Variants in EGFL6 observed in about 807,000 individuals in gnomAD.
EGFL6 encodes EGF like domain multiple 6.
In EGFL6, 42 loss-of-function variants were observed where a neutral mutation model predicts 43.1. That is an observed-to-expected ratio of 0.98 (90% CI 0.76 to 1.26). EGFL6 has a LOEUF of 1.26. EGFL6 is among the 50% of genes most tolerant of loss of function. The pLI, the probability that EGFL6 is intolerant of heterozygous loss-of-function variation, is 0.00. For missense variants in EGFL6, 429 were observed against 427.8 expected (o/e 1.00, Z -0.02); for synonymous variants, 164 against 163.2 (o/e 1.01, Z -0.04).
intron 9 of EGFL6, among the ~76,000 whole-genome samples, chrX:13,620,393 T>TA (rs752488773): frequency 1.8e-5 from 2 of 111,037 alleles, no homozygotes; most frequent in Admixed American, 1.9e-4. Context: ...TCCTTTTACT[T>TA]ACCACTATAC....
chrX:13,608,935 G>A (rs2045675339), intron 7 of EGFL6, among the ~76,000 whole-genome samples: 1 of 112,439 alleles, frequency 8.9e-6, no homozygotes, highest in African/African-American at 3.2e-5. Flanking sequence ...TACTTTATCT[G>A]TCATCCTCAA....
chrX:13,618,115 T>C (rs1031024028), intron 8 of EGFL6, 62 bp downstream of exon 8: 1 of 1,089,294 alleles, frequency 9.2e-7, no homozygotes, highest in Non-Finnish European at 1.2e-6. Flanking sequence ...TCCTGGCAAA[T>C]GAAAGAAGAC....
In EGFL6 at chrX:13,589,622, G is replaced by T; in HGVS notation, c.141G>T (p.Leu47=). The change falls in exon 2 of 12, where the codon CTG becomes CTT. Residue 47 remains leucine, a synonymous_variant. Transcript: ENST00000361306. ...GGGTCTGTCACTATGGAACTAAACT[G>T]GCCTGCTGCTACGGCTGGAGAAGAA... ...QPGVCHYGTK[L]ACCYGWRRNS... 8.3e-7 allele frequency: 1 copy of T among 1,211,211 alleles called. No individual in the cohort carries two copies. Among genetic ancestry groups the T allele is most frequent in the Non-Finnish European group, 1.1e-6 (1 of 895,170 alleles).
intron 1 of EGFL6, among the ~76,000 whole-genome samples, chrX:13,584,368 T>C (rs1425947065): frequency 8.9e-6 from 1 of 111,998 alleles, no homozygotes; most frequent in Non-Finnish European, 1.9e-5. Flanking sequence ...ACCTTCCTGC[T>C]CTTTGGTCCA....
intron 2 of EGFL6, among the ~76,000 whole-genome samples, chrX:13,592,263 G>T (rs556823867): frequency 9.2e-6 from 1 of 108,733 alleles, no homozygotes; most frequent in Non-Finnish European, 1.9e-5. Context: ...ATTTAAAGTT[G>T]CAACTCCAAG....
chrX:13,591,433 G>A (rs1252768788), intron 2 of EGFL6, among the ~76,000 whole-genome samples: 1 of 111,769 alleles, frequency 8.9e-6, no homozygotes, highest in African/African-American at 3.3e-5. Context: ...AAGCTGAAGA[G>A]ACGGTCAGCA....
chrX:13,619,163 T>C lies in EGFL6; in HGVS notation c.1103T>C (p.Phe368Ser), dbSNP rs141600459. Residue 368 changes from phenylalanine (F) to serine (S), a missense_variant and splice_region_variant, in exon 9 of 12, where the codon TTC becomes TCC. By Grantham distance (155) the Phe-to-Ser change is radical. Transcript: ENST00000361306. The part of the protein sequence containing the change: ...EERSLRGDVF[F>S]PKVNEAGEFG... ...TAACTGACCAAGTGTTCTTTATTAG[T>C]CCCTAAGGTGAATGAAGCAGGTGAA... 23 of 1,208,644 alleles carry C rather than the reference T, an allele frequency of 1.9e-5. No individual in the cohort carries two copies. In the African/African-American group the frequency reaches 3.8e-4, roughly 20 times the overall value.
chrX:13,594,872 T>C lies in EGFL6; in HGVS notation c.224T>C (p.Val75Ala). The change falls in exon 3 of 12, where the codon GTG becomes GCG. Residue 75 changes from valine (V) to alanine (A), a missense_variant. Coordinates refer to ENST00000361306, the MANE Select transcript of EGFL6 (RefSeq NM_015507.4). ...CEPGCKFGECVGPNKCRCFPG... is the reference protein window; with the variant it reads ...CEPGCKFGECAGPNKCRCFPG... ...CCTGGATGTAAGTTTGGTGAGTGCG[T>C]GGGACCAAACAAATGCAGATGCTTT... 1 of 1,211,361 alleles carries C rather than the reference T, an allele frequency of 8.3e-7. No individual in the cohort carries two copies. The highest frequency in any genetic ancestry group is 1.1e-6 in the Non-Finnish European group (1 of 895,122).
chrX:13,594,762 C>T (rs2146968690), intron 2 of EGFL6, 74 bp from the exon 3 acceptor site: 1 of 960,066 alleles, frequency 1.0e-6, no homozygotes. Context: ...ACACAGAACG[C>T]AGCGAAGTTT....
At chrX:13,616,236 G>C (rs1446618086) in intron 7 of EGFL6, among the ~76,000 whole-genome samples, 1 of 111,820 alleles carries the variant, frequency 8.9e-6, no homozygotes, top group African/African-American at 3.3e-5. Context: ...TAGATCTCAA[G>C]GAATTTGAAA....
chrX:13,623,977 G>A lies in EGFL6; in HGVS notation c.1285+52G>A, dbSNP rs762208309. On this transcript the variant is annotated intron_variant, in intron 10 of 11. Coordinates refer to ENST00000361306, the MANE Select transcript of EGFL6 (RefSeq NM_015507.4). ...CTGCAATATGGTGAAGGGATAGAAA[G>A]CCCTCCATGAGTGATGGGTTGTTAT... 2.2e-4 allele frequency: 212 copies of A among 980,706 alleles called. 1 individual carries two copies. In the South Asian group the frequency reaches 3.5e-3, roughly 16 times the overall value. 80.8% of individuals were successfully genotyped at this position (980,706 alleles called of 1,213,427 possible). A position where few individuals can be genotyped will look rare whatever the true frequency, so the allele number is the denominator to read the frequency against.
At chrX:13,571,142 A>C in intron 1 of EGFL6, among the ~76,000 whole-genome samples, 1 of 80,027 alleles carries the variant, frequency 1.2e-5, no homozygotes, top group Non-Finnish European at 2.3e-5. Context: ...AGTTGTGGCA[A>C]CAAAAAAAAG....
At chrX:13,575,520 C>G (rs932915098) in intron 1 of EGFL6, among the ~76,000 whole-genome samples, 6 of 112,058 alleles carry the variant, frequency 5.4e-5, no homozygotes, top group Admixed American at 3.8e-4. Context: ...AGGAAACCAA[C>G]CCTACCAACA....
At chrX:13,614,691 G>A in intron 7 of EGFL6, among the ~76,000 whole-genome samples, 1 of 110,458 alleles carries the variant, frequency 9.1e-6, no homozygotes, top group Non-Finnish European at 1.9e-5. Flanking sequence ...GAAGACCTAA[G>A]TTTTATATCT....
At chrX:13,572,139 A>G (rs1169184465) in intron 1 of EGFL6, among the ~76,000 whole-genome samples, 1 of 111,920 alleles carries the variant, frequency 8.9e-6, no homozygotes, top group African/African-American at 3.2e-5. Context: ...GGCTTGCCTT[A>G]TATTTTTTAT....
intron 1 of EGFL6, among the ~76,000 whole-genome samples, chrX:13,574,498 T>A (rs1410259014): frequency 8.9e-6 from 1 of 111,992 alleles, no homozygotes; most frequent in Non-Finnish European, 1.9e-5. Flanking sequence ...TCAAGATTCA[T>A]ATGTTGAAGC....
chrX:13,612,058 T>G (rs993118129), intron 7 of EGFL6, among the ~76,000 whole-genome samples: 145 of 111,186 alleles, frequency 1.3e-3, no homozygotes, highest in African/African-American at 4.5e-3. Context: ...TTAAATTTTT[T>G]TAGTATTTAT....
chrX:13,578,859 C>T (rs905435336), intron 1 of EGFL6, among the ~76,000 whole-genome samples: 157 of 110,723 alleles, frequency 1.4e-3, no homozygotes, highest in Middle Eastern at 4.6e-3. Context: ...AGCACACCAA[C>T]ATGGCACATG....
intron 1 of EGFL6, among the ~76,000 whole-genome samples, chrX:13,583,207 A>G (rs140996488): frequency 0.022 from 2,432 of 109,621 alleles, 34 homozygotes; most frequent in Non-Finnish European, 0.035. Flanking sequence ...CAGGCCACCA[A>G]CTCCCCATGT....
Sources: gnomAD v4.1 joint callset for allele counts (sites outside exome capture counted in the v4.1 genomes callset) on GRCh38, gnomAD v4.1.1 for gene constraint, MANE v1.5 for transcripts, NCBI Gene and HGNC (gene_info 2026-07-23, HGNC 2026-07-21) for gene names.